The following ZNF487 variants were observed in gnomAD, a reference collection of about 807,000 sequenced individuals.
ZNF487 encodes zinc finger protein 487.
A neutral mutation model predicts 3.0 loss-of-function variants in ZNF487; 4 were observed. That is an observed-to-expected ratio of 1.35 (90% CI 0.66 to 3.08). ZNF487 has a LOEUF of 3.08. Ranked by LOEUF, ZNF487 falls within the 30% of genes most tolerant of loss-of-function variation. ZNF487 has a pLI of 0.01. For synonymous variants in ZNF487, 55 were observed against 34.6 expected, an observed-to-expected ratio of 1.59 and a Z score of -2.06; for missense variants, 146 against 98.7, an observed-to-expected ratio of 1.48 and a Z score of -2.03.
At chr10:43,487,136 ATTT>A (rs5784601), downstream of ZNF487, among the ~76,000 whole-genome samples, 23 of 120,618 alleles carry the variant, frequency 1.9e-4, no homozygotes, top group Admixed American at 2.8e-4. Flanking sequence ...GTCACTAAGA[ATTT>A]TTTTTTTTTT....
At chr10:43,517,316 C>A in the ZNF487 span, among the ~76,000 whole-genome samples, 2 of 152,228 alleles carry the variant, frequency 1.3e-5, no homozygotes, top group Non-Finnish European at 2.9e-5. Flanking sequence ...TCTTTGAGAT[C>A]TAGAGGTGAC....
In ZNF487 at chr10:43,470,882, C is replaced by T. The variant is rs530718069; in HGVS notation, c.-93-4839C>T. On this transcript the variant is annotated intron_variant, in intron 1 of 3. Transcript: ENST00000437590. ...TCACACAGCCTAGAGTACAGTGGCA[C>T]GATCATAGCTCACTGCAGCCTCGAC... Among the ~76,000 whole-genome samples the T allele has an allele frequency of 2.6e-4, 40 of 151,934 alleles. 1 individual carries two copies. In the South Asian group the frequency reaches 2.9e-3, roughly 11 times the overall value.
Position 43,479,606 on chromosome 10 carries a change from C to T in ZNF487, c.131-1823C>T, listed in dbSNP as rs1029351698. Among the ~76,000 whole-genome samples the T allele has an allele frequency of 2.6e-5, 4 of 151,944 alleles. No individual in the cohort carries two copies. The South Asian group carries it at 6.2e-4, about 24-fold the overall frequency. ...AAAATATAAAAGAAGCCTGGAGAAA[C>T]CTTATTTGTAGTTTCTTTCTTTTTT... On this transcript the variant is annotated intron_variant, in intron 3 of 3. Transcript: ENST00000437590.
At chr10:43,511,468 T>C in the ZNF487 span, among the ~76,000 whole-genome samples, 3 of 152,158 alleles carry the variant, frequency 2.0e-5, no homozygotes, top group East Asian at 3.9e-4. Flanking sequence ...CCAGAGTAAG[T>C]GTCTATTCTA....
intron 1 of ZNF487, among the ~76,000 whole-genome samples, chr10:43,448,140 C>T (rs1564413730): frequency 2.0e-5 from 3 of 151,846 alleles, no homozygotes; most frequent in Admixed American, 2.0e-4. Flanking sequence ...TAGGTGCCTG[C>T]CATCATGCCC....
At chr10:43,479,519 CTG>C (rs199931113) in intron 3 of ZNF487, among the ~76,000 whole-genome samples, 2,841 of 152,292 alleles carry the variant, frequency 0.019, 30 homozygotes, top group South Asian at 0.049. Context: ...GTAAAGAACA[CTG>C]TCACTATTAC....
chr10:43,448,181 G>C (rs1392691249), intron 1 of ZNF487, among the ~76,000 whole-genome samples: 2 of 151,502 alleles, frequency 1.3e-5, no homozygotes, highest in Non-Finnish European at 2.9e-5. Context: ...TGTAGAGACG[G>C]GGTTTCACCG....
At chr10:43,459,649 C>T (rs1395190413) in intron 1 of ZNF487, among the ~76,000 whole-genome samples, 1 of 152,024 alleles carries the variant, frequency 6.6e-6, no homozygotes, top group African/African-American at 2.4e-5. Flanking sequence ...CAGCTCACTG[C>T]AGGTAACTCT....
At chr10:43,475,885 A>G in intron 2 of ZNF487, 38 bp downstream of exon 2, 1 of 719,348 alleles carries the variant, frequency 1.4e-6, no homozygotes, top group Non-Finnish European at 2.6e-6. Flanking sequence ...AATAACATTT[A>G]TTTCCTTTTT....
intron 1 of ZNF487, among the ~76,000 whole-genome samples, chr10:43,465,231 GGT>G (rs1840642076): frequency 6.7e-6 from 1 of 150,310 alleles, no homozygotes; most frequent in South Asian, 2.1e-4. Flanking sequence ...CGGCTGGCTG[GGT>G]GGGGGGCTGA....
At chr10:43,472,224 C>G (rs187607267) in intron 1 of ZNF487, among the ~76,000 whole-genome samples, 323 of 152,264 alleles carry the variant, frequency 2.1e-3, no homozygotes, top group Non-Finnish European at 3.4e-3. Flanking sequence ...TAACTGTCCA[C>G]TCTGCATCTC....
intron 1 of ZNF487, among the ~76,000 whole-genome samples, chr10:43,474,469 G>A (rs1049857976): frequency 6.6e-6 from 1 of 152,172 alleles, no homozygotes; most frequent in East Asian, 1.9e-4. Flanking sequence ...GGAGGCTGAG[G>A]CAGGAGTATT....
At chr10:43,509,976 T>C in the ZNF487 span, among the ~76,000 whole-genome samples, 1 of 152,164 alleles carries the variant, frequency 6.6e-6, no homozygotes, top group South Asian at 2.1e-4. Flanking sequence ...ATGCCTAACA[T>C]AATACAACTG....
chr10:43,492,308 C>T, the ZNF487 span, among the ~76,000 whole-genome samples: 3 of 151,834 alleles, frequency 2.0e-5, no homozygotes, highest in South Asian at 6.2e-4. Context: ...TATTCTATGT[C>T]ATCAAAATCT....
chr10:43,446,958 G>A (rs556918746), intron 1 of ZNF487, among the ~76,000 whole-genome samples: 61 of 152,202 alleles, frequency 4.0e-4, no homozygotes, highest in Middle Eastern at 3.4e-3. Context: ...TCAGGAGGCC[G>A]AGGCAGGCAG....
chr10:43,497,629 G>A, the ZNF487 span, among the ~76,000 whole-genome samples: 2 of 152,114 alleles, frequency 1.3e-5, no homozygotes, highest in Admixed American at 1.3e-4. Flanking sequence ...AACAGGATTT[G>A]TTAGATTGGT....
chr10:43,464,782 C>G (rs895124185), intron 1 of ZNF487, among the ~76,000 whole-genome samples: 1 of 152,258 alleles, frequency 6.6e-6, no homozygotes, highest in Non-Finnish European at 1.5e-5. Flanking sequence ...TCTACACAGA[C>G]ACAGCAACCA....
chr10:43,470,127 C>T lies in ZNF487; in HGVS notation c.-93-5594C>T, dbSNP rs188396467. Among the ~76,000 whole-genome samples, 135 of 152,276 alleles carry T rather than the reference C, an allele frequency of 8.9e-4. 1 individual carries two copies. The highest frequency in any genetic ancestry group is 3.1e-3 in the African/African-American group (127 of 41,580). ...TGGTCCGGAACTGAATGCACATTAT[C>T]TTTGAGGTATGCCTGTGTTTTTCCC... On this transcript the variant is annotated intron_variant, in intron 1 of 3. Coordinates refer to ENST00000437590, the MANE Select transcript of ZNF487 (RefSeq NM_001355444.3).
chr10:43,440,048 A>G (rs1839536473), intron 1 of ZNF487, among the ~76,000 whole-genome samples: 1 of 61,192 alleles, frequency 1.6e-5, no homozygotes, highest in Non-Finnish European at 4.8e-5. Flanking sequence ...TTTTATATAT[A>G]TATATATTTT....
Sources: gnomAD v4.1 joint callset for allele counts (sites outside exome capture counted in the v4.1 genomes callset) on GRCh38, gnomAD v4.1.1 for gene constraint, MANE v1.5 for transcripts, NCBI Gene and HGNC (gene_info 2026-07-23, HGNC 2026-07-21) for gene names.